ATP8B4: variants seen among roughly 807,000 people sequenced by gnomAD.
The protein encoded by ATP8B4 is probable phospholipid-transporting ATPase IM.
A neutral mutation model predicts 145.6 loss-of-function variants in ATP8B4; 133 were observed. That is an observed-to-expected ratio of 0.91 (90% CI 0.79 to 1.05). The LOEUF is 1.05. ATP8B4 is among the 50% of genes least tolerant of loss of function. The pLI is 0.00. For synonymous variants in ATP8B4, 507 were observed against 492.9 expected (o/e 1.03, Z -0.38); for missense variants, 1,458 against 1,425.2 (o/e 1.02, Z -0.37).
intron 1 of ATP8B4, among the ~76,000 whole-genome samples, chr15:50,173,674 G>A (rs1013786298): frequency 6.6e-5 from 10 of 150,982 alleles, no homozygotes; most frequent in East Asian, 3.9e-4. Context: ...CCCCCTCTCC[G>A]AGAAACACCC....
intron 13 of ATP8B4, among the ~76,000 whole-genome samples, chr15:49,965,354 T>C (rs1271369319): frequency 6.6e-6 from 1 of 152,320 alleles, no homozygotes; most frequent in Admixed American, 6.5e-5. Flanking sequence ...AAAGGAAAAG[T>C]TTCCCCTTTT....
At chr15:50,160,377 A>T (rs1267020287) in intron 1 of ATP8B4, among the ~76,000 whole-genome samples, 1 of 151,324 alleles carries the variant, frequency 6.6e-6, no homozygotes, top group Non-Finnish European at 1.5e-5. Flanking sequence ...TTTCAATTTC[A>T]TTTATTTTTG....
intron 1 of ATP8B4, among the ~76,000 whole-genome samples, chr15:50,156,107 A>AAAT (rs1555498023): frequency 0.32 from 8,640 of 26,720 alleles, 651 homozygotes; most frequent in Admixed American, 0.39. Flanking sequence ...TATATATATA[A>AAAT]ATATATATAT....
chr15:50,073,985 T>G, intron 3 of ATP8B4, 142 bp downstream of exon 3: 1 of 598,220 alleles, frequency 1.7e-6, no homozygotes, highest in African/African-American at 1.9e-5. Flanking sequence ...TCTGTATTTA[T>G]GGAAATATAT....
At chr15:50,126,363 A>G (rs573908945) in intron 1 of ATP8B4, among the ~76,000 whole-genome samples, 2 of 152,152 alleles carry the variant, frequency 1.3e-5, no homozygotes, top group East Asian at 3.8e-4. Context: ...AGTTAAGGGA[A>G]CAGGTTAATA....
chr15:49,958,594 A>G (rs2043792593), intron 14 of ATP8B4, among the ~76,000 whole-genome samples: 1 of 151,904 alleles, frequency 6.6e-6, no homozygotes. Context: ...TAAAAGACCT[A>G]TGAGTCTTTT....
At chr15:49,958,221 TA>T (rs1202024832) in intron 14 of ATP8B4, among the ~76,000 whole-genome samples, 1 of 151,312 alleles carries the variant, frequency 6.6e-6, no homozygotes, top group African/African-American at 2.4e-5. Flanking sequence ...AAAATAAAAT[TA>T]AAATACTTTA....
chr15:49,889,136 A>T (rs1250465986), intron 23 of ATP8B4, among the ~76,000 whole-genome samples: 2 of 151,994 alleles, frequency 1.3e-5, no homozygotes, highest in Non-Finnish European at 2.9e-5. Flanking sequence ...TATGGCCATT[A>T]GCTTTTCCAA....
chr15:50,001,941 G>A (rs182363206), intron 8 of ATP8B4, among the ~76,000 whole-genome samples: 1 of 152,210 alleles, frequency 6.6e-6, no homozygotes, highest in Admixed American at 6.5e-5. Context: ...AGTTATTCCT[G>A]TATATAAGTT....
chr15:50,103,414 A>G (rs2056487974), intron 2 of ATP8B4, among the ~76,000 whole-genome samples: 1 of 152,144 alleles, frequency 6.6e-6, no homozygotes. Context: ...CAAAATTAAT[A>G]TACACAAATC....
At chr15:50,169,948 T>TG (rs1482187688) in intron 1 of ATP8B4, among the ~76,000 whole-genome samples, 4 of 152,070 alleles carry the variant, frequency 2.6e-5, no homozygotes, top group Non-Finnish European at 5.9e-5. Context: ...CTCAAAGACA[T>TG]GGTCTTCGAA....
intron 23 of ATP8B4, among the ~76,000 whole-genome samples, chr15:49,894,239 G>A (rs2037139893): frequency 6.6e-6 from 1 of 152,208 alleles, no homozygotes; most frequent in Non-Finnish European, 1.5e-5. Context: ...ATAAGGTCCA[G>A]GAGGCACCAC....
intron 1 of ATP8B4, among the ~76,000 whole-genome samples, chr15:50,157,711 C>T (rs1257343124): frequency 6.7e-6 from 1 of 148,978 alleles, no homozygotes. Context: ...GTAGTATGGA[C>T]CCTTTAACAT....
intron 1 of ATP8B4, among the ~76,000 whole-genome samples, chr15:50,160,762 G>A (rs920542362): frequency 1.3e-5 from 2 of 151,918 alleles, no homozygotes; most frequent in African/African-American, 4.8e-5. Flanking sequence ...CCAATTTTTT[G>A]AAAGTTTTAA....
chr15:49,909,566 C>T (rs2153442879), intron 20 of ATP8B4, among the ~76,000 whole-genome samples: 1 of 152,050 alleles, frequency 6.6e-6, no homozygotes, highest in South Asian at 2.1e-4. Context: ...CCCTTGGACC[C>T]AAAGACAGGC....
intron 23 of ATP8B4, among the ~76,000 whole-genome samples, chr15:49,884,613 GAAAAAAA>G (rs60012082): frequency 8.5e-6 from 1 of 117,660 alleles, no homozygotes; most frequent in Non-Finnish European, 1.7e-5. Context: ...CAAAAAAAAA[GAAAAAAA>G]AAAAAAAAAA....
chr15:49,978,305 G>A (rs2045850160), intron 12 of ATP8B4, among the ~76,000 whole-genome samples: 1 of 152,098 alleles, frequency 6.6e-6, no homozygotes, highest in South Asian at 2.1e-4. Flanking sequence ...ACAAGCATGA[G>A]AGGTCCTCAG....
At chr15:50,180,412 A>C (rs1389654569) in intron 1 of ATP8B4, among the ~76,000 whole-genome samples, 2 of 152,186 alleles carry the variant, frequency 1.3e-5, no homozygotes, top group Non-Finnish European at 2.9e-5. Flanking sequence ...TCCAGTTACT[A>C]CTTAAATTCC....
At chr15:49,926,048 T>TA (rs1444732067) in intron 16 of ATP8B4, among the ~76,000 whole-genome samples, 8 of 152,150 alleles carry the variant, frequency 5.3e-5, no homozygotes, top group Admixed American at 1.3e-4. Context: ...GTCTTTTTTT[T>TA]ATCTTCCCAT....
Sources: gnomAD v4.1 joint callset for allele counts (sites outside exome capture counted in the v4.1 genomes callset) on GRCh38, gnomAD v4.1.1 for gene constraint, MANE v1.5 for transcripts, NCBI Gene and HGNC (gene_info 2026-07-23, HGNC 2026-07-21) for gene names.